MTCH2: variants seen among roughly 807,000 people sequenced by gnomAD.
The protein encoded by MTCH2 is mitochondrial carrier homolog 2.
In MTCH2, 25 loss-of-function variants were observed where a neutral mutation model predicts 50.6. The ratio of observed to expected loss-of-function variants is 0.49; its 90% CI spans 0.36 to 0.69. The LOEUF is 0.69. Ranked by LOEUF, MTCH2 falls within the 30% of genes least tolerant of loss-of-function variation. The pLI is 0.00. For missense variants in MTCH2, 273 were observed against 384.4 expected (o/e 0.71, Z 2.42); for synonymous variants, 106 against 132.0 (o/e 0.80, Z 1.35).
chr11:47,612,242 C>A, the MTCH2 span, among the ~76,000 whole-genome samples: 1 of 151,974 alleles, frequency 6.6e-6, no homozygotes, highest in Non-Finnish European at 1.5e-5. Flanking sequence ...TATAGCAAAC[C>A]CTGTCTCTAC....
Position 47,625,695 on chromosome 11 carries a change from A to T in MTCH2, c.728T>A (p.Leu243His), listed in dbSNP as rs936092642. 1.2e-6 allele frequency: 2 copies of T among 1,613,336 alleles called. No individual in the cohort carries two copies. Among genetic ancestry groups the T allele is most frequent in the Non-Finnish European group, 1.7e-6 (2 of 1,179,360 alleles). Residue 243 changes from leucine (L) to histidine (H), a missense_variant, in exon 11 of 13, where the codon CTT becomes CAT. Around this residue, in one of 2 missense-constraint regions of MTCH2, gnomAD observed 70 missense variants for 140.1 expected, o/e 0.50. Transcript: ENST00000302503. ...LTYPFVLVSN[L>H]MAVNNCGLAG... ...TTACCCACAGTTGTTGACAGCCATA[A>T]GATTGGAGACAAGCACAAAGGGATA...
chr11:47,624,329 C>T (rs1004319656), intron 11 of MTCH2, among the ~76,000 whole-genome samples: 5 of 151,890 alleles, frequency 3.3e-5, no homozygotes, highest in Admixed American at 6.6e-5. Flanking sequence ...ATACCAAAAC[C>T]TGCCCTTCTA....
At chr11:47,636,160 G>A (rs1306491507) in intron 3 of MTCH2, among the ~76,000 whole-genome samples, 1 of 151,766 alleles carries the variant, frequency 6.6e-6, no homozygotes, top group African/African-American at 2.4e-5. Context: ...AAGGCTGGGT[G>A]CGGTAGCTCA....
rs1311652297 is a variant in MTCH2 at position 47,642,536 on chromosome 11, C to A, written c.-71G>T. The A allele has an allele frequency of 1.7e-5, 23 of 1,384,666 alleles. No individual in the cohort carries two copies. The highest frequency in any genetic ancestry group is 2.2e-5 in the Non-Finnish European group (23 of 1,031,232). 85.8% of individuals were successfully genotyped at this position (1,384,666 alleles called of 1,614,324 possible). A position where few individuals can be genotyped will look rare whatever the true frequency, so the allele number is the denominator to read the frequency against. On this transcript the variant is annotated 5_prime_UTR_variant, in exon 1 of 13. Transcript: ENST00000302503. ...GACCCGGTGAGCCGGTCCTAGGTCA[C>A]GTGCCAGGGCCGCCGGTTTCACTGG...
At chr11:47,614,446 TACC>T (rs2153797613), downstream of MTCH2, among the ~76,000 whole-genome samples, 1 of 152,304 alleles carries the variant, frequency 6.6e-6, no homozygotes, top group East Asian at 1.9e-4. Flanking sequence ...CTACAATTAC[TACC>T]ACTTGACCAG....
chr11:47,625,172 G>A (rs1258898019), intron 11 of MTCH2, among the ~76,000 whole-genome samples: 1 of 152,014 alleles, frequency 6.6e-6, no homozygotes, highest in African/African-American at 2.4e-5. Flanking sequence ...TGTAATCCCA[G>A]CACTTTGGGA....
intron 3 of MTCH2, among the ~76,000 whole-genome samples, chr11:47,638,210 T>C (rs905657109): frequency 1.3e-4 from 17 of 135,964 alleles, no homozygotes; most frequent in South Asian, 2.5e-4. Context: ...ACAAACCTCT[T>C]TGGCTAGATG....
At chr11:47,634,930 G>A (rs1029618553) in intron 4 of MTCH2, among the ~76,000 whole-genome samples, 196 bp from the exon 5 acceptor site, 21 of 151,832 alleles carry the variant, frequency 1.4e-4, no homozygotes, top group African/African-American at 2.4e-4. Context: ...TCGCCACCAC[G>A]CCCTGCTAAT....
chr11:47,621,513 A>T (rs1226938411), intron 12 of MTCH2, among the ~76,000 whole-genome samples: 1 of 150,514 alleles, frequency 6.6e-6, no homozygotes, highest in East Asian at 2.0e-4. Flanking sequence ...GCTCACTGCA[A>T]CCTCCACCTC....
chr11:47,640,287 C>T (rs1216480617), intron 1 of MTCH2, among the ~76,000 whole-genome samples: 1 of 152,112 alleles, frequency 6.6e-6, no homozygotes, highest in African/African-American at 2.4e-5. Flanking sequence ...CGAGATTGTG[C>T]CATTGCATGC....
At position 47,638,715 on chromosome 11, in the gene MTCH2, T is replaced by C; in HGVS notation, c.263A>G (p.His88Arg). 1.2e-6 allele frequency: 2 copies of C among 1,614,154 alleles called. No individual in the cohort carries two copies. Among genetic ancestry groups the C allele is most frequent in the South Asian group, 1.1e-5 (1 of 91,070 alleles). ...LCSGVLGTVV[H>R]GKVLQHYQES... ...TCCTCTTACCTGTAAAACTTTACCA[T>C]GGACCACAGTTCCAAGGACTCCCGA... Residue 88 changes from histidine to arginine, a missense_variant, in exon 3 of 13, where the codon CAT becomes CGT. His to Arg is a conservative substitution (Grantham distance 29). Transcript: ENST00000302503.
intron 5 of MTCH2, among the ~76,000 whole-genome samples, chr11:47,634,191 G>A (rs1335314887): frequency 2.6e-5 from 4 of 151,952 alleles, no homozygotes; most frequent in African/African-American, 7.3e-5. Flanking sequence ...TCTTCTCACC[G>A]CAGCCTCTCG....
intron 5 of MTCH2, among the ~76,000 whole-genome samples, chr11:47,632,974 A>T (rs1324464535): frequency 6.6e-6 from 1 of 151,942 alleles, no homozygotes. Flanking sequence ...TGCTGGGATT[A>T]TAGGTGTGAG....
chr11:47,620,242 G>A (rs1267579328), intron 12 of MTCH2, among the ~76,000 whole-genome samples: 3 of 151,910 alleles, frequency 2.0e-5, no homozygotes, highest in Non-Finnish European at 2.9e-5. Context: ...AAACCTGCAC[G>A]TTGTGCACAT....
chr11:47,612,242 CCT>C, the MTCH2 span, among the ~76,000 whole-genome samples: 1 of 151,974 alleles, frequency 6.6e-6, no homozygotes, highest in African/African-American at 2.4e-5. Context: ...TATAGCAAAC[CCT>C]GTCTCTACTA....
At chr11:47,606,330 C>T in the MTCH2 span, among the ~76,000 whole-genome samples, 1 of 152,194 alleles carries the variant, frequency 6.6e-6, no homozygotes, top group Non-Finnish European at 1.5e-5. Context: ...ATCTTCATCC[C>T]CAGATGGAAC....
In MTCH2 at chr11:47,642,521, G is replaced by C. The variant is rs1316701731; in HGVS notation, c.-56C>G. 6.6e-7 allele frequency: 1 copy of C among 1,511,134 alleles called. No homozygotes were observed. Among genetic ancestry groups the C allele is most frequent in the African/African-American group, 1.4e-5 (1 of 71,434 alleles). 93.6% of individuals were successfully genotyped at this position (1,511,134 alleles called of 1,614,324 possible). ...ACGGAGCCACCAAGCGACCCGGTGA[G>C]CCGGTCCTAGGTCACGTGCCAGGGC... On this transcript the variant is annotated 5_prime_UTR_variant, in exon 1 of 13. Coordinates refer to ENST00000302503, the MANE Select transcript of MTCH2 (RefSeq NM_014342.4).
At chr11:47,631,820 C>G (rs550481034) in intron 5 of MTCH2, 109 bp from the exon 6 acceptor site, 2 of 1,105,060 alleles carry the variant, frequency 1.8e-6, no homozygotes, top group Non-Finnish European at 2.7e-6. Context: ...GTGAATGACA[C>G]AGCCCTCCTG....
chr11:47,627,195 C>CCTTTT (rs758801310), intron 9 of MTCH2, 68 bp from the exon 10 acceptor site: 26 of 1,229,238 alleles, frequency 2.1e-5, no homozygotes, highest in Middle Eastern at 2.0e-4. Context: ...ATTCTTTTTT[C>CCTTTT]CTTTTCTTTT....
Sources: allele counts gnomAD v4.1 joint callset (sites outside exome capture counted in the v4.1 genomes callset), GRCh38; gene constraint gnomAD v4.1.1; regional missense constraint gnomAD v4.1.1; transcripts MANE v1.5; gene names NCBI Gene and HGNC (gene_info 2026-07-23, HGNC 2026-07-21).